Variants in ATP13A4 observed in about 807,000 individuals in gnomAD.
ATP13A4 encodes probable cation-transporting ATPase 13A4.
A neutral mutation model predicts 142.5 loss-of-function variants in ATP13A4; 114 were observed. That is an observed-to-expected ratio of 0.80 (90% CI 0.69 to 0.93). The LOEUF is 0.93. Ranked by LOEUF, ATP13A4 falls within the 40% of genes least tolerant of loss-of-function variation. ATP13A4 has a pLI of 0.00. For missense variants in ATP13A4, 1,392 were observed against 1,454.0 expected, an observed-to-expected ratio of 0.96 and a Z score of 0.69; for synonymous variants, 488 against 514.8, an observed-to-expected ratio of 0.95 and a Z score of 0.70.
chr3:193,479,805 G>A lies in ATP13A4; in HGVS notation c.808+4131C>T, dbSNP rs1719186067. On this transcript the variant is annotated intron_variant, in intron 8 of 29. Transcript: ENST00000342695. ...ATGGAGCCAAAAAAGAGGCTGCATAGCCAAAGCAAGACAAAGCAAAAAGAA... is the reference window on the plus strand; with the variant it reads ...ATGGAGCCAAAAAAGAGGCTGCATAACCAAAGCAAGACAAAGCAAAAAGAA... 5.9e-5 allele frequency among the ~76,000 whole-genome samples: 9 copies of A among 152,118 alleles called. 1 individual carries two copies. Among genetic ancestry groups the A allele is most frequent in the Admixed American group, 5.9e-4 (9 of 15,264 alleles).
rs71179308 is a variant in ATP13A4 at position 193,541,248 on chromosome 3, C to CAAAAAAAAAAAAAAAA, written c.60+13476_60+13491dup. 3.7e-3 allele frequency among the ~76,000 whole-genome samples: 188 copies of CAAAAAAAAAAAAAAAA among 51,268 alleles called. 10 individuals carry two copies. The highest frequency in any genetic ancestry group is 4.5e-3 in the Non-Finnish European group (111 of 24,878). 33.6% of individuals were successfully genotyped at this position (51,268 alleles called of 152,430 possible). On this transcript the variant is annotated intron_variant, in intron 1 of 29. Coordinates refer to ENST00000342695, the MANE Select transcript of ATP13A4 (RefSeq NM_032279.4). ...TGGGCGACAGAGCGAGACTCCTTCT[C>CAAAAAAAAAAAAAAAA]AAAAAAAAAAAAAAAAAAAAAATCA...
intron 2 of ATP13A4, among the ~76,000 whole-genome samples, chr3:193,564,689 T>C (rs1282638787): frequency 6.6e-6 from 1 of 152,208 alleles, no homozygotes; most frequent in Non-Finnish European, 1.5e-5. Context: ...TAGTTTGGGC[T>C]CTAATTATTG....
rs1329135653 is a variant in ATP13A4, at chr3:193,400,868, A to C, written c.*1784T>G. The stretch of plus-strand genomic sequence containing the variant: ...CAACCCTCTACTTTTGGAAAATGAG[A>C]AACACTTTTAGAGAAGGACATTCAG... On this transcript the variant is annotated 3_prime_UTR_variant, in exon 30 of 30. Coordinates refer to ENST00000342695, the MANE Select transcript of ATP13A4 (RefSeq NM_032279.4). Among the ~76,000 whole-genome samples, 1 of 152,236 alleles carries C rather than the reference A, an allele frequency of 6.6e-6. No homozygotes were observed. The highest frequency in any genetic ancestry group is 1.5e-5 in the Non-Finnish European group (1 of 68,038).
chr3:193,562,476 A>G (rs1018322899), intron 2 of ATP13A4, among the ~76,000 whole-genome samples: 7 of 152,188 alleles, frequency 4.6e-5, no homozygotes, highest in Non-Finnish European at 7.3e-5. Flanking sequence ...GGATATTTAA[A>G]CAAAAGAGTC....
intron 11 of ATP13A4, 89 bp downstream of exon 11, chr3:193,465,936 C>T: frequency 6.5e-7 from 1 of 1,547,476 alleles, no homozygotes. Context: ...GGTTTGTAAA[C>T]CACATCCTAG....
intron 3 of ATP13A4, among the ~76,000 whole-genome samples, chr3:193,495,463 A>T (rs1441222698): frequency 6.6e-6 from 1 of 152,150 alleles, no homozygotes; most frequent in Non-Finnish European, 1.5e-5. Flanking sequence ...AAAATATCAC[A>T]TTAACAGAAT....
chr3:193,488,283 A>G (rs943478555), intron 7 of ATP13A4, among the ~76,000 whole-genome samples: 6 of 152,204 alleles, frequency 3.9e-5, no homozygotes, highest in African/African-American at 1.4e-4. Flanking sequence ...ATAAATAAAT[A>G]AAATTCAAGT....
At chr3:193,517,180 T>C (rs1453947543) in intron 1 of ATP13A4, among the ~76,000 whole-genome samples, 1 of 152,222 alleles carries the variant, frequency 6.6e-6, no homozygotes, top group Non-Finnish European at 1.5e-5. Context: ...TTCTTTTATT[T>C]CAGTTCAATT....
At chr3:193,589,184 G>A (rs1006113754) in intron 1 of ATP13A4, among the ~76,000 whole-genome samples, 2 of 151,636 alleles carry the variant, frequency 1.3e-5, no homozygotes, top group African/African-American at 4.8e-5. Context: ...ATATATATGT[G>A]TGTGTGTGTG....
At chr3:193,535,924 C>T (rs1376498959) in intron 1 of ATP13A4, among the ~76,000 whole-genome samples, 2 of 152,020 alleles carry the variant, frequency 1.3e-5, no homozygotes, top group African/African-American at 2.4e-5. Context: ...ACTATTACAA[C>T]TTCACTCAAT....
chr3:193,515,026 A>C (rs1254898888), intron 1 of ATP13A4, among the ~76,000 whole-genome samples, 155 bp from the exon 2 acceptor site: 1 of 152,140 alleles, frequency 6.6e-6, no homozygotes, highest in Non-Finnish European at 1.5e-5. Flanking sequence ...TGGAGAGGAA[A>C]TCTTGACAAA....
chr3:193,570,311 ACT>A (rs1008644220), intron 2 of ATP13A4, among the ~76,000 whole-genome samples: 1 of 152,032 alleles, frequency 6.6e-6, no homozygotes, highest in Non-Finnish European at 1.5e-5. Flanking sequence ...ATAGATTGAG[ACT>A]CTGTCTCAAA....
intron 8 of ATP13A4, among the ~76,000 whole-genome samples, chr3:193,483,277 G>A (rs973221936): frequency 1.3e-5 from 2 of 151,952 alleles, no homozygotes; most frequent in East Asian, 1.9e-4. Context: ...GGAGGAAGCG[G>A]GAGAGAAAAA....
At chr3:193,568,884 T>C (rs1363937167) in intron 2 of ATP13A4, among the ~76,000 whole-genome samples, 2 of 152,238 alleles carry the variant, frequency 1.3e-5, no homozygotes, top group East Asian at 3.8e-4. Flanking sequence ...ATAAAATAAA[T>C]ATTTGTGAAT....
intron 8 of ATP13A4, among the ~76,000 whole-genome samples, chr3:193,471,920 A>T (rs1576998527): frequency 6.6e-6 from 1 of 152,062 alleles, no homozygotes; most frequent in Admixed American, 6.6e-5. Flanking sequence ...CCTAAGCAGG[A>T]TGGAAGGGTG....
intron 2 of ATP13A4, among the ~76,000 whole-genome samples, chr3:193,569,621 G>C (rs9869967): frequency 6.6e-6 from 1 of 151,418 alleles, no homozygotes; most frequent in Non-Finnish European, 1.5e-5. Flanking sequence ...TCAACCTCCC[G>C]GGCTCAAGCA....
intron 25 of ATP13A4, among the ~76,000 whole-genome samples, chr3:193,421,251 A>T (rs1393947456): frequency 2.7e-5 from 4 of 149,822 alleles, no homozygotes; most frequent in Admixed American, 1.4e-4. Context: ...GACGGGAGAG[A>T]GTGAGATGAT....
At chr3:193,515,912 C>T (rs1415154281) in intron 1 of ATP13A4, among the ~76,000 whole-genome samples, 3 of 152,152 alleles carry the variant, frequency 2.0e-5, no homozygotes, top group African/African-American at 4.8e-5. Context: ...ACTTACTGGG[C>T]GTGTGATTTT....
At chr3:193,470,785 A>T (rs1576997232) in intron 9 of ATP13A4, 74 bp downstream of exon 9, 1 of 1,602,970 alleles carries the variant, frequency 6.2e-7, no homozygotes, top group East Asian at 2.2e-5. Flanking sequence ...GTAGAGGAGG[A>T]GGCGTAGGGA....
Sources: gnomAD v4.1 joint callset for allele counts (sites outside exome capture counted in the v4.1 genomes callset) on GRCh38, gnomAD v4.1.1 for gene constraint, MANE v1.5 for transcripts, NCBI Gene and HGNC (gene_info 2026-07-23, HGNC 2026-07-21) for gene names.